FAM110B: variants seen among roughly 807,000 people sequenced by gnomAD.
FAM110B encodes protein FAM110B.
Under a neutral mutation model 20.4 loss-of-function variants are expected in FAM110B, and 6 were observed. The ratio of observed to expected loss-of-function variants is 0.29; its 90% CI spans 0.16 to 0.58. The LOEUF is 0.58. FAM110B is among the 20% of genes least tolerant of loss of function. The pLI is 0.90. For synonymous variants in FAM110B, 226 were observed against 214.1 expected (o/e 1.06, Z -0.49); for missense variants, 434 against 498.2 (o/e 0.87, Z 1.23).
intron 3 of FAM110B, among the ~76,000 whole-genome samples, chr8:58,104,439 G>T (rs1024944869): frequency 6.6e-6 from 1 of 152,208 alleles, no homozygotes; most frequent in African/African-American, 2.4e-5. Context: ...GTACCTGGGA[G>T]TGGAGGGAAA....
chr8:58,116,648 T>A (rs1807221134), intron 3 of FAM110B, among the ~76,000 whole-genome samples: 1 of 152,212 alleles, frequency 6.6e-6, no homozygotes, highest in Non-Finnish European at 1.5e-5. Flanking sequence ...AAATCTTCTG[T>A]AACACATCTG....
At chr8:58,024,347 T>C (rs1804813856) in intron 1 of FAM110B, among the ~76,000 whole-genome samples, 2 of 152,144 alleles carry the variant, frequency 1.3e-5, no homozygotes, top group Admixed American at 1.3e-4. Flanking sequence ...CTCAGAGAGA[T>C]GTCTCTAATT....
chr8:58,079,640 G>C (rs543715140), intron 3 of FAM110B, among the ~76,000 whole-genome samples: 4 of 152,226 alleles, frequency 2.6e-5, no homozygotes, highest in African/African-American at 9.6e-5. Flanking sequence ...AATTAGCCAG[G>C]TGTTGTGGCA....
Position 58,146,789 on chromosome 8 carries a change from G to A in FAM110B, c.559G>A (p.Glu187Lys), listed in dbSNP as rs779242800. 3 of 1,610,796 alleles carry A rather than the reference G, an allele frequency of 1.9e-6. No homozygotes were observed. Among genetic ancestry groups the A allele is most frequent in the Middle Eastern group, 1.7e-4 (1 of 6,044 alleles). ...CTCCCACGTGGGCAGGAGACTGCTG[G>A]AGCAGTCAGCCGAGTCCTTCCTCCA... ...GGSHVGRRLL[E>K]QSAESFLHVS... The change falls in exon 4 of 4, where the codon GAG becomes AAG. Residue 187 changes from glutamate to lysine, a missense_variant. Coordinates refer to ENST00000519262, the MANE Select transcript of FAM110B (RefSeq NM_001377989.1).
intron 2 of FAM110B, among the ~76,000 whole-genome samples, chr8:58,035,606 G>T (rs566954083): frequency 5.3e-5 from 8 of 152,156 alleles, no homozygotes; most frequent in African/African-American, 1.9e-4. Context: ...CCCAGGCCTG[G>T]CATTAAGCAT....
intron 3 of FAM110B, among the ~76,000 whole-genome samples, chr8:58,089,807 A>G (rs1806429522): frequency 6.6e-6 from 1 of 152,260 alleles, no homozygotes; most frequent in African/African-American, 2.4e-5. Context: ...TGGAAGTAAA[A>G]TGGCATCAAA....
chr8:58,070,750 C>T (rs1176592561), intron 2 of FAM110B, among the ~76,000 whole-genome samples: 1 of 152,216 alleles, frequency 6.6e-6, no homozygotes, highest in Non-Finnish European at 1.5e-5. Context: ...GAATAATGAG[C>T]GATCAGGAAG....
chr8:58,106,357 C>G (rs1806917914), intron 3 of FAM110B: 1 of 151,980 alleles, frequency 6.6e-6, no homozygotes, highest in East Asian at 1.9e-4. Context: ...GAAAGGTTGT[C>G]CTTGTGTTGC....
intron 1 of FAM110B, among the ~76,000 whole-genome samples, chr8:58,016,762 C>A (rs1015542067): frequency 6.6e-6 from 1 of 152,100 alleles, no homozygotes; most frequent in Non-Finnish European, 1.5e-5. Context: ...AAGCCCAGGG[C>A]CCAAGAGAAG....
intron 1 of FAM110B, among the ~76,000 whole-genome samples, chr8:58,012,558 T>G (rs1804559736): frequency 6.6e-6 from 1 of 152,218 alleles, no homozygotes; most frequent in African/African-American, 2.4e-5. Flanking sequence ...TTAAGAATGA[T>G]TTCTTTGAGT....
At chr8:58,025,462 A>G (rs1334264397) in intron 1 of FAM110B, among the ~76,000 whole-genome samples, 1 of 152,020 alleles carries the variant, frequency 6.6e-6, no homozygotes, top group Non-Finnish European at 1.5e-5. Flanking sequence ...GGTAGATGAG[A>G]CTCCATCCAT....
chr8:58,122,601 G>A (rs1439460359), intron 3 of FAM110B, among the ~76,000 whole-genome samples: 1 of 152,062 alleles, frequency 6.6e-6, no homozygotes, highest in Non-Finnish European at 1.5e-5. Context: ...AATTTCCAAA[G>A]TTTATTTTTG....
chr8:58,047,637 A>ACTCTCTCTCTCTCTCTCTCTCTCT (rs1585840295), intron 2 of FAM110B, among the ~76,000 whole-genome samples: 2 of 43,612 alleles, frequency 4.6e-5, no homozygotes, highest in African/African-American at 6.8e-5. Flanking sequence ...TCTCTCTCTG[A>ACTCTCTCTCTCTCTCTCTCTCTCT]CTTATATAAA....
In FAM110B at chr8:58,146,736, A is replaced by T. The variant is rs1238877042; in HGVS notation, c.506A>T (p.Gln169Leu). The change falls in exon 4 of 4, where the codon CAG becomes CTG. Residue 169 changes from glutamine (Q) to leucine (L), a missense_variant. By Grantham distance (113) the Gln-to-Leu change is moderately radical. Coordinates refer to ENST00000519262, the MANE Select transcript of FAM110B (RefSeq NM_001377989.1). Reference sequence around the variant, plus strand: ...GAGTCCCTGAAGGTCTACCCCACGCAGGGCCGCAGGAGCCCGCAGGAGGGC... The same window carrying T: ...GAGTCCCTGAAGGTCTACCCCACGCTGGGCCGCAGGAGCCCGCAGGAGGGC... Reference protein sequence around the residue: ...FAESLKVYPTQGRRSPQEGGS... With the variant: ...FAESLKVYPTLGRRSPQEGGS... The T allele has an allele frequency of 6.2e-6, 10 of 1,612,158 alleles. No individual in the cohort carries two copies. In the South Asian group the frequency reaches 9.9e-5, roughly 16 times the overall value.
intron 2 of FAM110B, among the ~76,000 whole-genome samples, chr8:58,068,863 T>C (rs1805832306): frequency 6.6e-6 from 1 of 152,122 alleles, no homozygotes; most frequent in Non-Finnish European, 1.5e-5. Context: ...TCAACATAAA[T>C]TTGTCATTTT....
chr8:58,016,184 G>T (rs1804633229), intron 1 of FAM110B, among the ~76,000 whole-genome samples: 1 of 152,146 alleles, frequency 6.6e-6, no homozygotes, highest in South Asian at 2.1e-4. Context: ...TTAAATCTAT[G>T]AAATAAATGC....
chr8:58,120,656 G>A lies in FAM110B; in HGVS notation c.-324-25251G>A, dbSNP rs141180428. Among the ~76,000 whole-genome samples the A allele has an allele frequency of 3.4e-3, 520 of 152,330 alleles. 4 individuals are homozygous for A. The highest frequency in any genetic ancestry group is 0.012 in the African/African-American group (498 of 41,562). ...CACTGCAGATAAGAATAAGAGCTCC[G>A]AGGGTGGGACTGTCAGCCCATATTG... On this transcript the variant is annotated intron_variant, in intron 3 of 3. Transcript: ENST00000519262.
chr8:58,019,961 A>G (rs1251310053), intron 1 of FAM110B, among the ~76,000 whole-genome samples: 1 of 151,720 alleles, frequency 6.6e-6, no homozygotes, highest in Admixed American at 6.6e-5. Context: ...AATTGCCCGT[A>G]TATTTTATTG....
chr8:58,097,615 A>G (rs1806666478), intron 3 of FAM110B, among the ~76,000 whole-genome samples: 1 of 152,054 alleles, frequency 6.6e-6, no homozygotes, highest in African/African-American at 2.4e-5. Flanking sequence ...CCTTTGGAGG[A>G]GAAGAGGCGT....
Sources: gnomAD v4.1 joint callset for allele counts (sites outside exome capture counted in the v4.1 genomes callset) on GRCh38, gnomAD v4.1.1 for gene constraint, MANE v1.5 for transcripts, NCBI Gene and HGNC (gene_info 2026-07-23, HGNC 2026-07-21) for gene names.